ACTN2: variants seen among roughly 807,000 people sequenced by gnomAD.
ACTN2 encodes the protein actinin alpha 2.
Under a neutral mutation model 113.8 loss-of-function variants are expected in ACTN2, and 39 were observed. The ratio of observed to expected loss-of-function variants is 0.34; its 90% CI spans 0.27 to 0.45. The LOEUF (loss-of-function observed/expected upper bound fraction) is 0.45. Among genes scored for constraint, ACTN2 ranks in the 20% least tolerant of loss-of-function variants. ACTN2 has a pLI of 1.00. For missense variants in ACTN2, 992 were observed against 1,177.9 expected, an observed-to-expected ratio of 0.84 and a Z score of 2.31; for synonymous variants, 429 against 444.1, an observed-to-expected ratio of 0.97 and a Z score of 0.43.
intron 10 of ACTN2, among the ~76,000 whole-genome samples, chr1:236,740,134 G>A (rs529121949): frequency 9.3e-5 from 14 of 150,932 alleles, no homozygotes; most frequent in Admixed American, 2.6e-4. Flanking sequence ...TTTTTTTGGA[G>A]ACGGAGTCTC....
At chr1:236,709,333 TATATATAC>T (rs1657948745) in intron 1 of ACTN2, among the ~76,000 whole-genome samples, 1 of 137,302 alleles carries the variant, frequency 7.3e-6, no homozygotes. Context: ...TATACATGTA[TATATATAC>T]GTGTATATAT....
chr1:236,739,305 T>C lies in ACTN2; in HGVS notation c.880T>C (p.Leu294=). The C allele has an allele frequency of 6.2e-7, 1 of 1,614,010 alleles. No individual in the cohort carries two copies. ...EEYERLASEL[L]EWIRRTIPWL... ...TATTTTTGTGTTTGCGGAGCAGCTTTTGGAATGGATTCGTCGCACGATCCC... is the reference window on the plus strand; with the variant it reads ...TATTTTTGTGTTTGCGGAGCAGCTTCTGGAATGGATTCGTCGCACGATCCC... Residue 294 remains leucine (L), a synonymous_variant, in exon 10 of 21, where the codon TTG becomes CTG. Transcript: ENST00000366578.
intron 1 of ACTN2, among the ~76,000 whole-genome samples, chr1:236,708,193 A>G (rs1401098231): frequency 6.6e-6 from 1 of 152,068 alleles, no homozygotes; most frequent in Admixed American, 6.5e-5. Context: ...CCAAGCAGAG[A>G]TTCGTGGGCA....
chr1:236,734,331 G>T, intron 7 of ACTN2: 1 of 751,886 alleles, frequency 1.3e-6, no homozygotes, highest in Non-Finnish European at 2.1e-6. Flanking sequence ...GTATGGGGGC[G>T]AAGGGGGAGG....
In ACTN2 at chr1:236,703,433, CTTTTT is replaced by C. The variant is rs35432183; in HGVS notation, c.127-14405_127-14401del. Among the ~76,000 whole-genome samples the C allele has an allele frequency of 1.1e-4, 11 of 98,838 alleles. No individual in the cohort carries two copies. In the South Asian group the frequency reaches 3.7e-3, roughly 33 times the overall value. The allele number at this position is 98,838 out of a possible 152,430, so 64.8% of individuals were successfully genotyped here. A position where few individuals can be genotyped will look rare whatever the true frequency, so the allele number is the denominator to read the frequency against. On this transcript the variant is annotated intron_variant, in intron 1 of 20. Transcript: ENST00000366578. ...TCATGCGTTCCTTTGGGCCTACTAC[CTTTTT>C]TTTTTTTTTTTTTTTTTTTGCCTTT...
intron 5 of ACTN2, 39 bp from the exon 6 acceptor site, chr1:236,727,639 C>T (rs763021777): frequency 3.7e-6 from 6 of 1,606,994 alleles, no homozygotes; most frequent in Non-Finnish European, 5.1e-6. Flanking sequence ...TCTTTCTCTC[C>T]ACTAACACGT....
intron 9 of ACTN2, among the ~76,000 whole-genome samples, chr1:236,738,288 C>T (rs970308312): frequency 5.3e-5 from 8 of 152,260 alleles, no homozygotes; most frequent in Non-Finnish European, 7.3e-5. Flanking sequence ...GGATTATTGG[C>T]GTGAGCCACC....
At chr1:236,752,669 A>G (rs1159192887) in intron 15 of ACTN2, among the ~76,000 whole-genome samples, 7 of 152,032 alleles carry the variant, frequency 4.6e-5, no homozygotes, top group Admixed American at 3.9e-4. Flanking sequence ...TTCCTGTCTC[A>G]GCCTCCCTAA....
chr1:236,691,916 GA>G (rs1666098342), intron 1 of ACTN2, among the ~76,000 whole-genome samples: 3 of 152,250 alleles, frequency 2.0e-5, no homozygotes, highest in African/African-American at 7.2e-5. Context: ...TTCAAACTTA[GA>G]AAGTTGGATC....
chr1:236,688,088 T>G (rs1397764280), intron 1 of ACTN2, among the ~76,000 whole-genome samples: 1 of 152,158 alleles, frequency 6.6e-6, no homozygotes, highest in East Asian at 1.9e-4. Context: ...GTGAAGGAAG[T>G]ACGAGGCATG....
rs1659689107 is a variant in ACTN2 at position 236,761,042 on chromosome 1, A to G, written c.2395A>G (p.Thr799Ala). The G allele has an allele frequency of 1.9e-6, 3 of 1,614,126 alleles. No individual in the cohort carries two copies. Among genetic ancestry groups the G allele is most frequent in the Non-Finnish European group, 2.5e-6 (3 of 1,180,030 alleles). ...LGEAEFARIMTLVDPNGQGTV... is the reference protein window; with the variant it reads ...LGEAEFARIMALVDPNGQGTV... Reference sequence around the variant, plus strand: ...TGAAGCCGAATTTGCCCGCATTATGACCCTGGTAGATCCCAACGGGCAAGG... The same window carrying G: ...TGAAGCCGAATTTGCCCGCATTATGGCCCTGGTAGATCCCAACGGGCAAGG... Residue 799 changes from threonine (T) to alanine (A), a missense_variant, in exon 20 of 21, where the codon ACC becomes GCC. Around this residue, in one of 3 missense-constraint regions of ACTN2, gnomAD observed 736 missense variants for 815.4 expected, o/e 0.90. Coordinates refer to ENST00000366578, the MANE Select transcript of ACTN2 (RefSeq NM_001103.4).
rs2102916892 is a variant in ACTN2, at chr1:236,735,624, TC to T, written c.698-6del. 6.2e-7 allele frequency: 1 copy of T among 1,612,568 alleles called. No homozygotes were observed. The highest frequency in any genetic ancestry group is 8.5e-7 in the Non-Finnish European group (1 of 1,178,634). ...TGTGCGCGCGTCCTGTGTTATTTTC[TC>T]CCCCTTCAGACATCGTGAACACCCC... On this transcript the variant is annotated splice_polypyrimidine_tract_variant and intron_variant, in intron 7 of 20. Transcript: ENST00000366578.
At position 236,744,747 on chromosome 1, in the gene ACTN2, G is replaced by A; in HGVS notation, c.1377G>A (p.Glu459=). Residue 459 remains glutamate (E), a synonymous_variant, in exon 12 of 21, where the codon GAG becomes GAA. Transcript: ENST00000366578. ...SDLAAHQDRV[E]QIAAIAQELN... ...TGGCAGCGCACCAGGACCGCGTGGA[G>A]CAGATCGCAGCCATCGCGCAGGAGC... is the stretch of plus-strand genomic sequence containing the variant. 6.2e-7 allele frequency: 1 copy of A among 1,614,172 alleles called. No individual in the cohort carries two copies.
In ACTN2 at chr1:236,697,208, C is replaced by T. The variant is rs182832167; in HGVS notation, c.126+10409C>T. Among the ~76,000 whole-genome samples, 211 of 152,186 alleles carry T rather than the reference C, an allele frequency of 1.4e-3. 2 individuals are homozygous for T. In the South Asian group the frequency reaches 0.025, roughly 18 times the overall value. ...AGGTGTGTTGGTGTGTGCCTGTATGCCCAGCTACTCAGGAGGCTGAGGCAG... is the reference window on the plus strand; with the variant it reads ...AGGTGTGTTGGTGTGTGCCTGTATGTCCAGCTACTCAGGAGGCTGAGGCAG... On this transcript the variant is annotated intron_variant, in intron 1 of 20. Transcript: ENST00000366578.
rs761364289 is a variant in ACTN2 at position 236,739,322 on chromosome 1, C to T, written c.897C>T (p.Arg299=). The T allele has an allele frequency of 6.2e-7, 1 of 1,614,018 alleles. No homozygotes were observed. The highest frequency in any genetic ancestry group is 8.5e-7 in the Non-Finnish European group (1 of 1,180,020). The change falls in exon 10 of 21, where the codon CGC becomes CGT. Residue 299 remains arginine, a synonymous_variant. Coordinates refer to ENST00000366578, the MANE Select transcript of ACTN2 (RefSeq NM_001103.4). Reference sequence around the variant, plus strand: ...AGCAGCTTTTGGAATGGATTCGTCGCACGATCCCCTGGCTGGAGAACCGGA... The same window carrying T: ...AGCAGCTTTTGGAATGGATTCGTCGTACGATCCCCTGGCTGGAGAACCGGA... ...LASELLEWIR[R]TIPWLENRTP...
intron 1 of ACTN2, among the ~76,000 whole-genome samples, chr1:236,709,764 C>T (rs913986118): frequency 2.0e-5 from 3 of 152,184 alleles, no homozygotes; most frequent in African/African-American, 7.2e-5. Flanking sequence ...GGCCTGCTCA[C>T]CCCTGAGTTT....
At chr1:236,713,434 T>G (rs900961413) in intron 1 of ACTN2, among the ~76,000 whole-genome samples, 8 of 152,072 alleles carry the variant, frequency 5.3e-5, no homozygotes, top group African/African-American at 1.9e-4. Context: ...TCCGTGTTGG[T>G]CAGGCTGGTC....
intron 12 of ACTN2, among the ~76,000 whole-genome samples, chr1:236,745,613 G>A (rs1165442132): frequency 2.0e-5 from 3 of 152,184 alleles, no homozygotes; most frequent in Non-Finnish European, 4.4e-5. Context: ...TTGGCACGGA[G>A]TGAATGTTCT....
rs970567732 is a variant in ACTN2, at chr1:236,739,375, A to G, written c.950A>G (p.Gln317Arg). The G allele has an allele frequency of 1.9e-6, 3 of 1,614,140 alleles. No homozygotes were observed. Among genetic ancestry groups the G allele is most frequent in the Admixed American group, 3.3e-5 (2 of 60,026 alleles). ...RTPEKTMQAM[Q>R]KKLEDFRDYR... The stretch of plus-strand genomic sequence containing the variant: ...CCCGAGAAGACCATGCAAGCCATGC[A>G]GAAGAAGCTGGAGGACTTCCGGGAT... The change falls in exon 10 of 21, where the codon CAG becomes CGG. Residue 317 changes from glutamine (Q) to arginine (R), a missense_variant. By Grantham distance (43) the Gln-to-Arg change is conservative. Coordinates refer to ENST00000366578, the MANE Select transcript of ACTN2 (RefSeq NM_001103.4).
Sources: gnomAD v4.1 joint callset for allele counts (sites outside exome capture counted in the v4.1 genomes callset) on GRCh38, gnomAD v4.1.1 for gene constraint, gnomAD v4.1.1 regional missense constraint, MANE v1.5 for transcripts, NCBI Gene and HGNC (gene_info 2026-07-23, HGNC 2026-07-21) for gene names.